The following FSIP2 variants were observed in gnomAD, a reference collection of about 807,000 sequenced individuals.
FSIP2 encodes the protein fibrous sheath interacting protein 2, also known as fibrous sheath-interacting protein 2.
In FSIP2, 367 loss-of-function variants were observed where a neutral mutation model predicts 510.5. The observed-to-expected ratio is 0.72, with a 90% CI of 0.66 to 0.78. The LOEUF is 0.78. FSIP2 is among the 30% of genes least tolerant of loss of function. FSIP2 has a pLI of 0.00. For missense variants in FSIP2, 7,594 were observed against 7,901.7 expected (o/e 0.96, Z 1.48); for synonymous variants, 2,601 against 2,732.2 (o/e 0.95, Z 1.50).
intron 7 of FSIP2, among the ~76,000 whole-genome samples, chr2:185,751,890 GTCAT>G: frequency 6.6e-6 from 1 of 150,760 alleles, no homozygotes; most frequent in South Asian, 2.1e-4. Context: ...TGCTATTTTG[GTCAT>G]TCATTTTATT....
chr2:185,809,411 T>TTC (rs1296781866), intron 17 of FSIP2, among the ~76,000 whole-genome samples: 2 of 152,062 alleles, frequency 1.3e-5, no homozygotes, highest in African/African-American at 4.8e-5. Flanking sequence ...GCACATACCC[T>TTC]TCACAGTAAA....
upstream of FSIP2, among the ~76,000 whole-genome samples, chr2:185,737,369 G>A (rs1250938588): frequency 6.6e-6 from 1 of 152,216 alleles, no homozygotes; most frequent in Non-Finnish European, 1.5e-5. Flanking sequence ...GAAATGGTCA[G>A]TTTGCCATCA....
In FSIP2 at chr2:185,788,767, C is replaced by T; in HGVS notation, c.1631C>T (p.Pro544Leu). The stretch of plus-strand genomic sequence containing the variant: ...AAAAGATTGCAAAATAATACATACC[C>T]AGTATCTGATGACTCCATCCTCTCT... ...YEKRLQNNTY[P>L]VSDDSILSSD... Residue 544 changes from proline (P) to leucine (L), a missense_variant, in exon 16 of 23, where the codon CCA (proline) becomes CTA (leucine). Coordinates refer to ENST00000424728, the MANE Select transcript of FSIP2 (RefSeq NM_173651.4). 1 of 1,534,306 alleles carries T rather than the reference C, an allele frequency of 6.5e-7. No individual in the cohort carries two copies. Among genetic ancestry groups the T allele is most frequent in the Admixed American group, 2.0e-5 (1 of 50,854 alleles).
chr2:185,807,146 G>C lies in FSIP2; in HGVS notation c.17840G>C (p.Arg5947Thr), dbSNP rs1322452311. The C allele has an allele frequency of 6.2e-7, 1 of 1,601,874 alleles. No individual in the cohort carries two copies. The change falls in exon 17 of 23, where the codon AGA becomes ACA. Residue 5947 changes from arginine (R) to threonine (T), a missense_variant. Arg to Thr is a moderately conservative substitution (Grantham distance 71). Coordinates refer to ENST00000424728, the MANE Select transcript of FSIP2 (RefSeq NM_173651.4). ...AACAGTAATGGAGAAAATTTAGCAA[G>C]AAGACTAACTAGTGCAGTGATAAAT... Reference protein sequence around the residue: ...NINSNGENLARRLTSAVINEI... With the variant: ...NINSNGENLATRLTSAVINEI...
chr2:185,778,461 T>C (rs1410778092), intron 13 of FSIP2, among the ~76,000 whole-genome samples: 1 of 152,042 alleles, frequency 6.6e-6, no homozygotes, highest in Non-Finnish European at 1.5e-5. Context: ...TTTTTCTAAA[T>C]CATGTTTAAT....
Position 185,796,806 on chromosome 2 carries a change from A to G in FSIP2, c.9670A>G (p.Thr3224Ala). The change falls in exon 16 of 23, where the codon ACG becomes GCG. Residue 3224 changes from threonine to alanine, a missense_variant. By Grantham distance (58) the Thr-to-Ala change is moderately conservative (BLOSUM62 0). Coordinates refer to ENST00000424728, the MANE Select transcript of FSIP2 (RefSeq NM_173651.4). ...AGACACAGTTAAAAACTCAGAGCCA[A>G]CGAAAAGGCCTGATTCAGAAACTAT... ...VEDTVKNSEP[T>A]KRPDSETMPS... 6.5e-7 allele frequency: 1 copy of G among 1,535,174 alleles called. No homozygotes were observed. The highest frequency in any genetic ancestry group is 8.7e-7 in the Non-Finnish European group (1 of 1,146,290).
Position 185,739,404 on chromosome 2 carries a change from T to A in FSIP2, c.158T>A (p.Leu53His). 6.5e-7 allele frequency: 1 copy of A among 1,535,398 alleles called. No individual in the cohort carries two copies. Among genetic ancestry groups the A allele is most frequent in the Non-Finnish European group, 8.7e-7 (1 of 1,146,566 alleles). Residue 53 changes from leucine to histidine, a missense_variant, in exon 2 of 23, where the codon CTC becomes CAC. Coordinates refer to ENST00000424728, the MANE Select transcript of FSIP2 (RefSeq NM_173651.4). The part of the protein sequence containing the change: ...VGPAQLLDLP[L>H]GVKLPVIPGS... ...CCGGCTCAGCTACTGGACCTACCTCTCGGGGTCAAGCTGCCTGTGATCCCA... is the reference window on the plus strand; with the variant it reads ...CCGGCTCAGCTACTGGACCTACCTCACGGGGTCAAGCTGCCTGTGATCCCA...
rs1207466158 is a variant in FSIP2 at position 185,794,938 on chromosome 2, T to C, written c.7802T>C (p.Ile2601Thr). 3 of 1,533,668 alleles carry C rather than the reference T, an allele frequency of 2.0e-6. No homozygotes were observed. Among genetic ancestry groups the C allele is most frequent in the South Asian group, 2.4e-5 (2 of 84,002 alleles). ...ATAAGTAATTCCCCTAGATATGCGA[T>C]ATCACAGGCTTATTCTTATGTCGAC... is the stretch of plus-strand genomic sequence containing the variant. The part of the protein sequence containing the change: ...GKISNSPRYA[I>T]SQAYSYVDSQ... Residue 2601 changes from isoleucine to threonine, a missense_variant, in exon 16 of 23, where the codon ATA (isoleucine) becomes ACA (threonine). Transcript: ENST00000424728.
Position 185,794,134 on chromosome 2 carries a change from G to T in FSIP2, c.6998G>T (p.Arg2333Leu). The change falls in exon 16 of 23, where the codon CGC becomes CTC. Residue 2333 changes from arginine (R) to leucine (L), a missense_variant. By Grantham distance (102) the Arg-to-Leu change is moderately radical (BLOSUM62 -2). Coordinates refer to ENST00000424728, the MANE Select transcript of FSIP2 (RefSeq NM_173651.4). ...CTTACAGATTTCACTTTTGTTGGTC[G>T]CAGAGAAAAACTTGGATCCACAATT... Reference protein sequence around the residue: ...QELTDFTFVGRREKLGSTIHL... With the variant: ...QELTDFTFVGLREKLGSTIHL... 1 of 1,531,988 alleles carries T rather than the reference G, an allele frequency of 6.5e-7. No individual in the cohort carries two copies. 94.9% of individuals were successfully genotyped at this position (1,531,988 alleles called of 1,614,324 possible). A position where few individuals can be genotyped will look rare whatever the true frequency, so the allele number is the denominator to read the frequency against.
Position 185,804,708 on chromosome 2 carries a change from C to T in FSIP2, c.15402C>T (p.His5134=). The change falls in exon 17 of 23, where the codon CAC becomes CAT. Residue 5134 remains histidine (H), a synonymous_variant. Transcript: ENST00000424728. ...TAGGGCATGTCTTCCCTTCAACTCA[C>T]ACTGAAAATGAACTAAAAGAGAAAA... is the stretch of plus-strand genomic sequence containing the variant. The part of the protein sequence containing the change: ...RLLGHVFPST[H]TENELKEKKF... The T allele has an allele frequency of 6.5e-7, 1 of 1,530,634 alleles. No individual in the cohort carries two copies. The highest frequency in any genetic ancestry group is 8.7e-7 in the Non-Finnish European group (1 of 1,144,314). The allele number at this position is 1,530,634 out of a possible 1,614,324, so 94.8% of individuals were successfully genotyped here.
intron 20 of FSIP2, among the ~76,000 whole-genome samples, chr2:185,825,165 A>G (rs1693993682): frequency 6.6e-6 from 1 of 151,832 alleles, no homozygotes; most frequent in Non-Finnish European, 1.5e-5. Context: ...GAGAGTGAAA[A>G]TCATTTTTAT....
Position 185,753,346 on chromosome 2 carries a change from A to T in FSIP2, c.871-376A>T, listed in dbSNP as rs182758717. ...AATTCACAAAGGGAAGTCACATTTT[A>T]TGTACTATATTATGTTTACCTCTGG... On this transcript the variant is annotated intron_variant, in intron 7 of 22. Transcript: ENST00000424728. 3.8e-3 allele frequency among the ~76,000 whole-genome samples: 572 copies of T among 151,448 alleles called. 15 individuals are homozygous for T. The highest frequency in any genetic ancestry group is 8.0e-4 in the Non-Finnish European group (54 of 67,554).
intron 4 of FSIP2, chr2:185,745,194 AT>A (rs1692001721): frequency 3.6e-6 from 1 of 278,152 alleles, no homozygotes; most frequent in East Asian, 6.7e-5. Context: ...CTTCCTGCAT[AT>A]TTTTATTTAA....
At chr2:185,783,014 A>G (rs928766558) in intron 14 of FSIP2, among the ~76,000 whole-genome samples, 4 of 152,144 alleles carry the variant, frequency 2.6e-5, no homozygotes, top group African/African-American at 4.8e-5. Flanking sequence ...TTTCAAGTGT[A>G]TCCGCATCAT....
chr2:185,825,277 CT>C (rs1472797600), intron 20 of FSIP2, among the ~76,000 whole-genome samples: 1 of 151,736 alleles, frequency 6.6e-6, no homozygotes, highest in Non-Finnish European at 1.5e-5. Context: ...TGGAATTATA[CT>C]TTGTTAGATG....
intron 9 of FSIP2, 28 bp from the exon 10 acceptor site, chr2:185,760,960 A>G (rs533259212): frequency 3.4e-6 from 3 of 876,966 alleles, no homozygotes; most frequent in East Asian, 2.8e-5. Context: ...AAAAAAAACT[A>G]TAGAGTTTCT....
chr2:185,806,820 G>A lies in FSIP2; in HGVS notation c.17514G>A (p.Glu5838=). Residue 5838 remains glutamate (E), a synonymous_variant, in exon 17 of 23, where the codon GAG becomes GAA. Coordinates refer to ENST00000424728, the MANE Select transcript of FSIP2 (RefSeq NM_173651.4). ...AMKLINSLLK[E]FSDAQIKVFR... ...AACTCATCAATTCACTGTTAAAGGA[G>A]TTCTCAGATGCTCAAATTAAGGTTT... The A allele has an allele frequency of 6.2e-7, 1 of 1,610,348 alleles. No homozygotes were observed. Among genetic ancestry groups the A allele is most frequent in the Non-Finnish European group, 8.5e-7 (1 of 1,178,408 alleles).
At chr2:185,828,524 G>A (rs1465743526) in intron 21 of FSIP2, among the ~76,000 whole-genome samples, 1 of 151,888 alleles carries the variant, frequency 6.6e-6, no homozygotes, top group Non-Finnish European at 1.5e-5. Context: ...ACTAGAGGGA[G>A]TGAATTACTT....
At position 185,788,735 on chromosome 2, in the gene FSIP2, G is replaced by A. The variant is rs1040476580; in HGVS notation, c.1599G>A (p.Lys533=). The change falls in exon 16 of 23, where the codon AAG becomes AAA. Residue 533 remains lysine, a synonymous_variant. Coordinates refer to ENST00000424728, the MANE Select transcript of FSIP2 (RefSeq NM_173651.4). ...GTATATTGTACCCAGCCATCACAAAGTATGAAAAAAGATTGCAAAATAATA... is the reference window on the plus strand; with the variant it reads ...GTATATTGTACCCAGCCATCACAAAATATGAAAAAAGATTGCAAAATAATA... ...VTSILYPAIT[K]YEKRLQNNTY... is the part of the protein sequence containing the mutation. 4.6e-6 allele frequency: 7 copies of A among 1,533,926 alleles called. No homozygotes were observed. Among genetic ancestry groups the A allele is most frequent in the Non-Finnish European group, 4.4e-6 (5 of 1,145,448 alleles).
Sources: allele counts gnomAD v4.1 joint callset (sites outside exome capture counted in the v4.1 genomes callset), GRCh38; gene constraint gnomAD v4.1.1; transcripts MANE v1.5; gene names NCBI Gene and HGNC (gene_info 2026-07-23, HGNC 2026-07-21).